TUT1: variants seen among roughly 807,000 people sequenced by gnomAD.
TUT1 encodes the protein speckle targeted PIP5K1A-regulated poly(A) polymerase.
A neutral mutation model predicts 48.8 loss-of-function variants in TUT1; 26 were observed. The ratio of observed to expected loss-of-function variants is 0.53; its 90% CI spans 0.39 to 0.74. TUT1 has a LOEUF of 0.74. Among genes scored for constraint, TUT1 ranks in the 30% least tolerant of loss-of-function variants. TUT1 has a pLI of 0.00. For synonymous variants in TUT1, 470 were observed against 460.8 expected, an observed-to-expected ratio of 1.02 and a Z score of -0.26; for missense variants, 1,065 against 1,114.8, an observed-to-expected ratio of 0.96 and a Z score of 0.64.
In TUT1 at chr11:62,581,369, T is replaced by C. The variant is rs1387281270; in HGVS notation, c.589+17A>G. 4 of 1,587,110 alleles carry C rather than the reference T, an allele frequency of 2.5e-6. No individual in the cohort carries two copies. The highest frequency in any genetic ancestry group is 2.7e-5 in the African/African-American group (2 of 74,456). On this transcript the variant is annotated intron_variant, in intron 3 of 8. Transcript: ENST00000476907. The stretch of plus-strand genomic sequence containing the variant: ...AAGGCCAGGGAGGGCTCAGACATAG[T>C]AGGGGAGGTAACTTACCAGGGAAGA...
intron 2 of TUT1, among the ~76,000 whole-genome samples, chr11:62,584,565 C>T (rs1201946407): frequency 6.6e-6 from 1 of 150,770 alleles, no homozygotes; most frequent in Non-Finnish European, 1.5e-5. Flanking sequence ...CTTTCTGCCT[C>T]CCGAGTAGCT....
Position 62,576,677 on chromosome 11 carries a change from C to T in TUT1, c.1454G>A (p.Ser485Asn). ...FPRDASRLEP[S>N]INVEPLSSLL... Reference sequence around the variant, plus strand: ...CTCACTGAGGGGCTCCACATTTATGCTGGGCTCCAGTCTTGAGGCATCCCT... The same window carrying T: ...CTCACTGAGGGGCTCCACATTTATGTTGGGCTCCAGTCTTGAGGCATCCCT... The change falls in exon 8 of 9, where the codon AGC (serine) becomes AAC (asparagine). Residue 485 changes from serine (S) to asparagine (N), a missense_variant. Ser to Asn is a conservative substitution (Grantham distance 46). Coordinates refer to ENST00000476907, the MANE Select transcript of TUT1 (RefSeq NM_022830.3). 1 of 1,614,198 alleles carries T rather than the reference C, an allele frequency of 6.2e-7. No individual in the cohort carries two copies. The highest frequency in any genetic ancestry group is 1.3e-5 in the African/African-American group (1 of 75,054).
Position 62,579,006 on chromosome 11 carries a change from G to T in TUT1, c.715C>A (p.Pro239Thr). Residue 239 changes from proline (P) to threonine (T), a missense_variant, in exon 5 of 9, where the codon CCA becomes ACA. By Grantham distance (38) the Pro-to-Thr change is conservative. Transcript: ENST00000476907. ...PQPVPKAPES[P>T]SLDSALASPL... Reference sequence around the variant, plus strand: ...GAAGCCAGGGCCGAGTCCAGCGATGGAGATTCTGGAGCCTTTGGGACTGGC... The same window carrying T: ...GAAGCCAGGGCCGAGTCCAGCGATGTAGATTCTGGAGCCTTTGGGACTGGC... 1 of 1,514,360 alleles carries T rather than the reference G, an allele frequency of 6.6e-7. No homozygotes were observed. Among genetic ancestry groups the T allele is most frequent in the East Asian group, 2.3e-5 (1 of 43,944 alleles). 93.8% of individuals were successfully genotyped at this position (1,514,360 alleles called of 1,614,324 possible).
chr11:62,579,089 CAAGAT>C lies in TUT1; in HGVS notation c.691-64_691-60del, dbSNP rs1941782444. ...TGCTGTTCCCTAAGCAGGGATCTCT[CAAGAT>C]AATATTACTTCCAGCTTATTCAGCT... On this transcript the variant is annotated intron_variant, in intron 4 of 8. Coordinates refer to ENST00000476907, the MANE Select transcript of TUT1 (RefSeq NM_022830.3). 3.0e-5 allele frequency: 38 copies of C among 1,287,412 alleles called. 1 individual carries two copies. The South Asian group carries it at 6.6e-4, about 22-fold the overall frequency. 79.7% of individuals were successfully genotyped at this position (1,287,412 alleles called of 1,614,324 possible). A position where few individuals can be genotyped will look rare whatever the true frequency, so the allele number is the denominator to read the frequency against.
rs1263217485 is a variant in TUT1 at position 62,576,231 on chromosome 11, G to A, written c.1488C>T (p.Ala496=). Residue 496 remains alanine (A), a synonymous_variant, in exon 9 of 9, where the codon GCC becomes GCT. Transcript: ENST00000476907. ...AACAAGATACACAGGAGAAGAACTG[G>A]GCTAGCAGGGAACCTGGAGGAGGAG... The part of the protein sequence containing the change: ...INVEPLSSLL[A]QFFSCVSCWD... 1 of 1,584,008 alleles carries A rather than the reference G, an allele frequency of 6.3e-7. No homozygotes were observed. The highest frequency in any genetic ancestry group is 1.8e-5 in the Admixed American group (1 of 54,808).
In TUT1 at chr11:62,576,079, A is replaced by G. The variant is rs1266265108; in HGVS notation, c.1640T>C (p.Leu547Pro). Residue 547 changes from leucine to proline, a missense_variant, in exon 9 of 9, where the codon CTG (leucine) becomes CCG (proline). Physicochemically the swap from Leu to Pro is moderately conservative, Grantham distance 98. Transcript: ENST00000476907. Reference sequence around the variant, plus strand: ...CACATTGGCTGCGACATTGTGACTCAGGTCAAAAGGGTCCTGGAGATTCAG... The same window carrying G: ...CACATTGGCTGCGACATTGTGACTCGGGTCAAAAGGGTCCTGGAGATTCAG... ...GPLNLQDPFD[L>P]SHNVAANVTS... The G allele has an allele frequency of 5.0e-6, 8 of 1,613,820 alleles. No individual in the cohort carries two copies. Among genetic ancestry groups the G allele is most frequent in the Non-Finnish European group, 6.8e-6 (8 of 1,180,026 alleles).
chr11:62,586,901 C>A (rs1301640362), intron 2 of TUT1, among the ~76,000 whole-genome samples: 1 of 150,310 alleles, frequency 6.7e-6, no homozygotes, highest in South Asian at 2.1e-4. Flanking sequence ...GATGGGGTTT[C>A]GCCATGTTGG....
intron 8 of TUT1, 89 bp from the exon 9 acceptor site, chr11:62,576,333 A>G: frequency 7.1e-7 from 1 of 1,418,314 alleles, no homozygotes; most frequent in Admixed American, 2.9e-5. Context: ...CCTTAGCAGG[A>G]CTTTTTCCCT....
rs1334095940 is a variant in TUT1, at chr11:62,576,187, A to G, written c.1532T>C (p.Leu511Pro). 1.2e-6 allele frequency: 2 copies of G among 1,610,144 alleles called. No individual in the cohort carries two copies. The highest frequency in any genetic ancestry group is 2.7e-5 in the African/African-American group (2 of 74,692). ...CVSCWDLRGS[L>P]LSLREGQALP... The stretch of plus-strand genomic sequence containing the variant: ...TGCCTGACCCTCCCGCAGGGACAGC[A>G]GGGAGCCACGAAGATCCCAACAAGA... Residue 511 changes from leucine (L) to proline (P), a missense_variant, in exon 9 of 9, where the codon CTG becomes CCG. Coordinates refer to ENST00000476907, the MANE Select transcript of TUT1 (RefSeq NM_022830.3).
At chr11:62,586,573 G>A (rs1328586688) in intron 2 of TUT1, among the ~76,000 whole-genome samples, 1 of 152,142 alleles carries the variant, frequency 6.6e-6, no homozygotes, top group African/African-American at 2.4e-5. Flanking sequence ...GAGGCCAGGA[G>A]TTCAAGACCA....
At chr11:62,585,688 G>A (rs770653505) in intron 2 of TUT1, among the ~76,000 whole-genome samples, 10 of 152,148 alleles carry the variant, frequency 6.6e-5, no homozygotes, top group Non-Finnish European at 8.8e-5. Context: ...AAAATTAGCC[G>A]GGCATGGTGG....
In TUT1 at chr11:62,575,890, G is replaced by A. The variant is rs767628147; in HGVS notation, c.1829C>T (p.Pro610Leu). ...CTGGGTGAAGGGTGCAAGGGGTAAA[G>A]GGATCGGCGTAGCAGAGAGCAGGGA... ...PSSLLSATPI[P>L]LPLAPFTQLT... Residue 610 changes from proline to leucine, a missense_variant, in exon 9 of 9, where the codon CCT becomes CTT. Coordinates refer to ENST00000476907, the MANE Select transcript of TUT1 (RefSeq NM_022830.3). The A allele has an allele frequency of 6.2e-7, 1 of 1,614,214 alleles. No homozygotes were observed. Among genetic ancestry groups the A allele is most frequent in the East Asian group, 2.2e-5 (1 of 44,886 alleles).
intron 4 of TUT1, among the ~76,000 whole-genome samples, chr11:62,580,292 C>T (rs891333227): frequency 1.3e-5 from 2 of 151,786 alleles, no homozygotes; most frequent in Non-Finnish European, 2.9e-5. Context: ...AATCCCATCT[C>T]TACTAAAAAT....
intron 2 of TUT1, among the ~76,000 whole-genome samples, chr11:62,585,071 C>T (rs982125763): frequency 1.3e-5 from 2 of 152,134 alleles, no homozygotes; most frequent in Admixed American, 6.6e-5. Context: ...ATCTAACCAC[C>T]TCAGCCTCCC....
intron 5 of TUT1, 136 bp from the exon 6 acceptor site, chr11:62,577,427 A>C: frequency 1.4e-6 from 1 of 690,984 alleles, no homozygotes; most frequent in Admixed American, 2.9e-5. Flanking sequence ...TTGCTCACTG[A>C]TCTTGTGAGA....
At chr11:62,590,809 C>T (rs1482405761) in intron 1 of TUT1, among the ~76,000 whole-genome samples, 6 of 100,212 alleles carry the variant, frequency 6.0e-5, no homozygotes, top group African/African-American at 3.3e-4. Flanking sequence ...AAGACCTTGT[C>T]TCAAAAAAAA....
rs79918104 is a variant in TUT1, at chr11:62,577,041, G to A, written c.1271-24C>T. ...CCCTGGGTAAATAAGCAATAATTCC[G>A]GTTAGATCAGAGGTGCTTCTAATCC... On this transcript the variant is annotated intron_variant, in intron 6 of 8. Transcript: ENST00000476907. The A allele has an allele frequency of 5.6e-3, 9,009 of 1,609,436 alleles. 42 individuals carry two copies. The highest frequency in any genetic ancestry group is 8.9e-3 in the Admixed American group (535 of 59,982).
At chr11:62,589,313 C>A (rs1211490089) in intron 1 of TUT1, 92 bp from the exon 2 acceptor site, 28 of 1,240,502 alleles carry the variant, frequency 2.3e-5, no homozygotes, top group Admixed American at 9.7e-5. Context: ...CTGATCCTTC[C>A]AAGCCACAGA....
In TUT1 at chr11:62,578,748, C is replaced by T; in HGVS notation, c.973G>A (p.Glu325Lys). 6.2e-7 allele frequency: 1 copy of T among 1,614,176 alleles called. No individual in the cohort carries two copies. The highest frequency in any genetic ancestry group is 2.2e-5 in the East Asian group (1 of 44,882). Reference protein sequence around the residue: ...REEGDLGKASELAETPKEEKA... With the variant: ...REEGDLGKASKLAETPKEEKA... ...TCCTCCTTTGGGGTCTCTGCTAGTT[C>T]CGAGGCCTTCCCCAGGTCCCCCTCT... Residue 325 changes from glutamate to lysine, a missense_variant, in exon 5 of 9, where the codon GAA becomes AAA. Coordinates refer to ENST00000476907, the MANE Select transcript of TUT1 (RefSeq NM_022830.3).
Sources: allele counts gnomAD v4.1 joint callset (sites outside exome capture counted in the v4.1 genomes callset), GRCh38; gene constraint gnomAD v4.1.1; transcripts MANE v1.5; gene names NCBI Gene and HGNC (gene_info 2026-07-23, HGNC 2026-07-21).